The following RASGEF1A variants were observed in gnomAD, a reference collection of about 807,000 sequenced individuals.
RASGEF1A encodes the protein ras-GEF domain-containing family member 1A.
Under a neutral mutation model 56.4 loss-of-function variants are expected in RASGEF1A, and 18 were observed. That is an observed-to-expected ratio of 0.32 (90% CI 0.22 to 0.47). RASGEF1A has a LOEUF of 0.47. Among genes scored for constraint, RASGEF1A ranks in the 20% least tolerant of loss-of-function variants. RASGEF1A has a pLI of 1.00. For synonymous variants in RASGEF1A, 245 were observed against 242.6 expected (o/e 1.01, Z -0.09); for missense variants, 422 against 627.1 (o/e 0.67, Z 3.49).
intron 1 of RASGEF1A, among the ~76,000 whole-genome samples, chr10:43,227,385 G>T (rs1319556876): frequency 6.8e-6 from 1 of 146,476 alleles, no homozygotes; most frequent in East Asian, 2.6e-4. Flanking sequence ...ATCCTGGCCA[G>T]GCCTGGACCC....
chr10:43,195,780 A>G lies in RASGEF1A; in HGVS notation c.*464T>C, dbSNP rs41301579. ...CAGGCGCCCAGGTGGAGTGGGACTC[A>G]CCGCAGCCCAAACCACAGAGCAGGA... On this transcript the variant is annotated 3_prime_UTR_variant, in exon 13 of 13. Transcript: ENST00000395810. The surrounding 1 kb of genome is among the most constrained non-coding windows in gnomAD (Gnocchi z 4.2). 1,900 of 153,258 alleles carry G rather than the reference A, an allele frequency of 0.012. 18 individuals are homozygous for G. Among genetic ancestry groups the G allele is most frequent in the Admixed American group, 0.018 (280 of 15,322 alleles). 9.5% of individuals were successfully genotyped at this position (153,258 alleles called of 1,614,324 possible). A position where few individuals can be genotyped will look rare whatever the true frequency, so the allele number is the denominator to read the frequency against.
intron 1 of RASGEF1A, among the ~76,000 whole-genome samples, chr10:43,235,773 G>A (rs984590685): frequency 1.3e-5 from 2 of 152,148 alleles, no homozygotes; most frequent in Non-Finnish European, 2.9e-5. Flanking sequence ...GGGATCGGGG[G>A]GACACAAGGC....
intron 1 of RASGEF1A, among the ~76,000 whole-genome samples, chr10:43,230,973 A>C (rs17158624): frequency 0.013 from 1,928 of 152,218 alleles, 43 homozygotes; most frequent in African/African-American, 0.044. Flanking sequence ...CCCTCTCACC[A>C]GCTCTTCTCT....
At chr10:43,230,164 C>G (rs761034710) in intron 1 of RASGEF1A, among the ~76,000 whole-genome samples, 18 of 152,226 alleles carry the variant, frequency 1.2e-4, no homozygotes, top group Non-Finnish European at 2.2e-4. Flanking sequence ...ACGTCCACTA[C>G]GGAACTACAG....
chr10:43,208,176 G>A (rs1218767125), intron 1 of RASGEF1A: 10 of 985,350 alleles, frequency 1.0e-5, no homozygotes, highest in Admixed American at 6.1e-5. Flanking sequence ...TTCAAAAGGC[G>A]ACCAGCAGGT....
At chr10:43,246,610 A>C (rs1389877847) in intron 1 of RASGEF1A, among the ~76,000 whole-genome samples, 1 of 152,198 alleles carries the variant, frequency 6.6e-6, no homozygotes, top group Admixed American at 6.5e-5. Flanking sequence ...GTCCAGAAAT[A>C]AACCCACACC....
At chr10:43,257,527 G>A (rs535713243) in intron 1 of RASGEF1A, among the ~76,000 whole-genome samples, 1 of 152,338 alleles carries the variant, frequency 6.6e-6, no homozygotes, top group East Asian at 1.9e-4. Context: ...CCTGCAGGCA[G>A]GTTCCAGCAA....
intron 9 of RASGEF1A, 22 bp downstream of exon 9, chr10:43,198,911 G>C: frequency 6.3e-7 from 1 of 1,575,254 alleles, no homozygotes; most frequent in Non-Finnish European, 8.6e-7. Flanking sequence ...GCTCGCAGCT[G>C]TGACGGGGCT....
intron 10 of RASGEF1A, among the ~76,000 whole-genome samples, chr10:43,197,439 A>G (rs2293020): frequency 0.17 from 26,270 of 152,182 alleles, 2,769 homozygotes; most frequent in East Asian, 0.5. Context: ...AGCGGCGCCA[A>G]CCAGAACGTG....
intron 1 of RASGEF1A, among the ~76,000 whole-genome samples, chr10:43,254,331 G>A (rs1302828843): frequency 1.3e-5 from 2 of 152,216 alleles, no homozygotes; most frequent in Non-Finnish European, 2.9e-5. Flanking sequence ...AGTGCTGGCG[G>A]CCTCCACTTG....
At chr10:43,199,912 TG>T in intron 6 of RASGEF1A, 144 bp from the exon 7 acceptor site, 1 of 770,326 alleles carries the variant, frequency 1.3e-6, no homozygotes, top group Non-Finnish European at 2.1e-6. Flanking sequence ...TGCTGCCCAG[TG>T]CAGGGCTGGC....
At chr10:43,260,300 T>C (rs1317718663) in intron 1 of RASGEF1A, among the ~76,000 whole-genome samples, 2 of 152,052 alleles carry the variant, frequency 1.3e-5, no homozygotes, top group African/African-American at 2.4e-5. Context: ...CCACACCTGC[T>C]GCTCCTTCCT....
At chr10:43,207,427 C>T in intron 1 of RASGEF1A, 1 of 979,130 alleles carries the variant, frequency 1.0e-6, no homozygotes, top group Non-Finnish European at 1.2e-6. Flanking sequence ...CACACACACA[C>T]ACACACACAC....
At chr10:43,229,194 G>A (rs921582066) in intron 1 of RASGEF1A, among the ~76,000 whole-genome samples, 3 of 152,156 alleles carry the variant, frequency 2.0e-5, no homozygotes, top group African/African-American at 7.2e-5. Flanking sequence ...GCACAGGCAC[G>A]GCTGCGCTCC....
rs953191765 is a variant in RASGEF1A, at chr10:43,203,705, G to A, written c.199-285C>T. The A allele has an allele frequency of 9.4e-6, 11 of 1,172,996 alleles. No individual in the cohort carries two copies. The African/African-American group carries it at 9.8e-5, about 10-fold the overall frequency. 72.7% of individuals were successfully genotyped at this position (1,172,996 alleles called of 1,614,324 possible). A position where few individuals can be genotyped will look rare whatever the true frequency, so the allele number is the denominator to read the frequency against. ...GGGATTCTCCCCCTCTCTGCCCCACGCCACCATAGGGCTAACCCCAGCCTG... is the reference window on the plus strand; with the variant it reads ...GGGATTCTCCCCCTCTCTGCCCCACACCACCATAGGGCTAACCCCAGCCTG... On this transcript the variant is annotated intron_variant, in intron 2 of 12. Transcript: ENST00000395810.
intron 1 of RASGEF1A, among the ~76,000 whole-genome samples, chr10:43,224,147 T>C (rs905097389): frequency 2.6e-5 from 4 of 152,172 alleles, no homozygotes; most frequent in African/African-American, 9.6e-5. Flanking sequence ...CTGGCTGAAA[T>C]AGTTTCTAAA....
Position 43,206,128 on chromosome 10 carries a change from A to C in RASGEF1A, c.-6-6T>G, listed in dbSNP as rs1290790649. On this transcript the variant is annotated splice_region_variant and splice_polypyrimidine_tract_variant and intron_variant, in intron 1 of 12. Coordinates refer to ENST00000395810, the MANE Select transcript of RASGEF1A (RefSeq NM_145313.4). ...GACGTCTGGGGCATAGTTTCCTGGG[A>C]GAAAAGAGCAAGGACATGAGGCATC... is the stretch of plus-strand genomic sequence containing the variant. The C allele has an allele frequency of 6.4e-7, 1 of 1,564,482 alleles. No homozygotes were observed. The highest frequency in any genetic ancestry group is 2.3e-5 in the East Asian group (1 of 42,566).
intron 1 of RASGEF1A, among the ~76,000 whole-genome samples, chr10:43,245,746 C>A (rs2133221422): frequency 6.6e-6 from 1 of 152,212 alleles, no homozygotes; most frequent in South Asian, 2.1e-4. Context: ...AACAAACAAG[C>A]AACTGAAGGG....
rs1457202735 is a variant in RASGEF1A at position 43,195,504 on chromosome 10, C to CCT, written c.*738_*739dup. 1 of 152,328 alleles carries CCT rather than the reference C, an allele frequency of 6.6e-6. No individual in the cohort carries two copies. Among genetic ancestry groups the CCT allele is most frequent in the Non-Finnish European group, 1.5e-5 (1 of 68,032 alleles). The allele number at this position is 152,328 out of a possible 1,614,324, so 9.4% of individuals were successfully genotyped here. A position where few individuals can be genotyped will look rare whatever the true frequency, so the allele number is the denominator to read the frequency against. ...CAGAAAACTGACAACTCCATGCTTC[C>CCT]CTCCCTTACCTTATTTTAGATTTCC... is the stretch of plus-strand genomic sequence containing the variant. On this transcript the variant is annotated 3_prime_UTR_variant, in exon 13 of 13. Coordinates refer to ENST00000395810, the MANE Select transcript of RASGEF1A (RefSeq NM_145313.4). This position sits in a 1 kb window ranked among gnomAD's most constrained non-coding sequence, Gnocchi z 4.2.
Sources: allele counts gnomAD v4.1 joint callset (sites outside exome capture counted in the v4.1 genomes callset), GRCh38; gene constraint gnomAD v4.1.1; non-coding constraint Gnocchi (gnomAD v3.1); transcripts MANE v1.5; gene names NCBI Gene and HGNC (gene_info 2026-07-23, HGNC 2026-07-21).